Variants in FGF17 observed in about 807,000 individuals in gnomAD.
The protein encoded by FGF17 is fibroblast growth factor 17.
A neutral mutation model predicts 23.5 loss-of-function variants in FGF17; 5 were observed. The ratio of observed to expected loss-of-function variants is 0.21; its 90% CI spans 0.11 to 0.45. The LOEUF is 0.45. Among genes scored for constraint, FGF17 ranks in the 20% least tolerant of loss-of-function variants. The pLI is 0.99. For synonymous variants in FGF17, 136 were observed against 123.0 expected (o/e 1.11, Z -0.70); for missense variants, 221 against 306.9 (o/e 0.72, Z 2.09).
intron 4 of FGF17, among the ~76,000 whole-genome samples, chr8:22,047,652 A>G (rs1338636860): frequency 1.3e-5 from 2 of 152,216 alleles, no homozygotes; most frequent in African/African-American, 2.4e-5. Context: ...TTCAGTGCTA[A>G]GGGCCCGTGC....
At position 22,046,753 on chromosome 8, in the gene FGF17, C is replaced by A. The variant is rs552040652; in HGVS notation, c.357+120C>A. 16 of 697,420 alleles carry A rather than the reference C, an allele frequency of 2.3e-5. No individual in the cohort carries two copies. In the South Asian group the frequency reaches 2.5e-4, roughly 11 times the overall value. 43.2% of individuals were successfully genotyped at this position (697,420 alleles called of 1,614,324 possible). A position where few individuals can be genotyped will look rare whatever the true frequency, so the allele number is the denominator to read the frequency against. ...ACCCTCCTGTGTAAAGACTTCCCAT[C>A]CTACTCTCAGCCCACCCACTGGGCC... On this transcript the variant is annotated intron_variant, in intron 4 of 4. Coordinates refer to ENST00000359441, the MANE Select transcript of FGF17 (RefSeq NM_003867.4).
At chr8:22,044,129 G>C (rs1289644238) in intron 2 of FGF17, among the ~76,000 whole-genome samples, 1 of 152,030 alleles carries the variant, frequency 6.6e-6, no homozygotes, top group Non-Finnish European at 1.5e-5. Flanking sequence ...GGCTGGGAGG[G>C]GGCTGGGGGT....
At chr8:22,041,592 C>T (rs889864501), upstream of FGF17, among the ~76,000 whole-genome samples, 7 of 152,160 alleles carry the variant, frequency 4.6e-5, no homozygotes, top group East Asian at 1.9e-4. Context: ...CTCTGTTCAC[C>T]GGTCTCCAGG....
At chr8:22,040,633 A>G (rs1429544205), upstream of FGF17, among the ~76,000 whole-genome samples, 1 of 152,226 alleles carries the variant, frequency 6.6e-6, no homozygotes, top group Non-Finnish European at 1.5e-5. Context: ...CCCTGTCCCC[A>G]TGGATAGAAA....
intron 2 of FGF17, chr8:22,044,821 T>G (rs1800827893): frequency 1.0e-6 from 1 of 985,418 alleles, no homozygotes. Context: ...TCACTCCCCC[T>G]GCCTCAAAGG....
At chr8:22,045,373 G>C in intron 2 of FGF17, 1 of 988,132 alleles carries the variant, frequency 1.0e-6, no homozygotes, top group Non-Finnish European at 1.2e-6. Flanking sequence ...CCGCTAAGGA[G>C]GCACCTTGCC....
In FGF17 at chr8:22,048,143, A is replaced by G. The variant is rs778947819; in HGVS notation, c.545A>G (p.Gln182Arg). The change falls in exon 5 of 5, where the codon CAG (glutamine) becomes CGG (arginine). Residue 182 changes from glutamine to arginine, a missense_variant. Transcript: ENST00000359441. This position sits in a 1 kb window ranked among gnomAD's most constrained non-coding sequence, Gnocchi z 6.9. ...TTCATCAAGCGCCTCTACCAAGGCC[A>G]GCTGCCCTTCCCCAACCACGCCGAG... ...AHFIKRLYQG[Q>R]LPFPNHAEKQ... 1 of 1,613,414 alleles carries G rather than the reference A, an allele frequency of 6.2e-7. No homozygotes were observed. The highest frequency in any genetic ancestry group is 8.5e-7 in the Non-Finnish European group (1 of 1,179,844).
At position 22,048,267 on chromosome 8, in the gene FGF17, A is replaced by G. The variant is rs1421552286; in HGVS notation, c.*18A>G. The G allele has an allele frequency of 6.4e-7, 1 of 1,571,944 alleles. No homozygotes were observed. The highest frequency in any genetic ancestry group is 8.6e-7 in the Non-Finnish European group (1 of 1,156,322). On this transcript the variant is annotated 3_prime_UTR_variant, in exon 5 of 5. Transcript: ENST00000359441. This position sits in a 1 kb window ranked among gnomAD's most constrained non-coding sequence, Gnocchi z 6.9. ...TCACGTAGTCTGGGAGGCAGGGGGC[A>G]GCAGCCCCTGGGCCGCCTCCCCACC...
At chr8:22,046,498 G>A (rs368916503) in intron 3 of FGF17, 29 bp from the exon 4 acceptor site, 121 of 1,576,780 alleles carry the variant, frequency 7.7e-5, no homozygotes, top group African/African-American at 7.3e-4. Flanking sequence ...CCCGATGGAC[G>A]GAGGTCTTTC....
At chr8:22,045,879 G>T in intron 2 of FGF17, 1 of 1,426,188 alleles carries the variant, frequency 7.0e-7, no homozygotes, top group Non-Finnish European at 9.2e-7. Flanking sequence ...CTGTCAATAA[G>T]TGTCCCCCAG....
At chr8:22,045,300 C>T (rs1238499303) in intron 2 of FGF17, 2 of 986,038 alleles carry the variant, frequency 2.0e-6, no homozygotes, top group African/African-American at 3.5e-5. Flanking sequence ...AGCTGCCTGC[C>T]AGGGGCAGCC....
In FGF17 at chr8:22,043,145, G is replaced by A. The variant is rs1800770622; in HGVS notation, c.36G>A (p.Leu12=). The A allele has an allele frequency of 2.5e-6, 4 of 1,613,884 alleles. No homozygotes were observed. The highest frequency in any genetic ancestry group is 3.4e-6 in the Non-Finnish European group (4 of 1,180,010). ...GAARLLPNLT[L]CLQLLILCCQ... is the part of the protein sequence containing the mutation. ...GGGCTTACCTCCTCTCCCCACACAG[G>A]TGCTTACAGCTGCTGATTCTCTGCT... The change falls in exon 2 of 5, where the codon CTG becomes CTA. Residue 12 remains leucine, a splice_region_variant and synonymous_variant. Coordinates refer to ENST00000359441, the MANE Select transcript of FGF17 (RefSeq NM_003867.4).
In FGF17 at chr8:22,043,006, C is replaced by T. The variant is rs376613610; in HGVS notation, c.35+43C>T. The stretch of plus-strand genomic sequence containing the variant: ...CCCACTGGAGTTTCGTTGCCATTTC[C>T]AGCCTCAGGGCAGCCCTCCTCTTCC... On this transcript the variant is annotated intron_variant, in intron 1 of 4. Transcript: ENST00000359441. 108 of 1,609,164 alleles carry T rather than the reference C, an allele frequency of 6.7e-5. 2 individuals are homozygous for T. The African/African-American group carries it at 1.1e-3, about 17-fold the overall frequency.
At chr8:22,046,314 G>A (rs2957330) in intron 3 of FGF17, 23 bp downstream of exon 3, 1 of 1,607,388 alleles carries the variant, frequency 6.2e-7, no homozygotes, top group Middle Eastern at 1.7e-4. Context: ...CCTCCCCCCA[G>A]GGCACCCACA....
chr8:22,040,082 C>T (rs900189787), upstream of FGF17, among the ~76,000 whole-genome samples: 23 of 152,100 alleles, frequency 1.5e-4, no homozygotes, highest in African/African-American at 5.6e-4. Flanking sequence ...TCTTCCCTCC[C>T]CCTTTCCCCG....
At chr8:22,047,076 G>A (rs1585539362) in intron 4 of FGF17, among the ~76,000 whole-genome samples, 1 of 151,530 alleles carries the variant, frequency 6.6e-6, no homozygotes, top group South Asian at 2.1e-4. Flanking sequence ...CGTGAGCCAC[G>A]GAGCCCGGCC....
chr8:22,043,101 G>C (rs1401610008), intron 1 of FGF17, 44 bp from the exon 2 acceptor site: 1 of 1,610,106 alleles, frequency 6.2e-7, no homozygotes, highest in Non-Finnish European at 8.5e-7. Flanking sequence ...CCCTAGGCTT[G>C]CAGCTGGCAC....
chr8:22,043,424 C>T (rs1370504154), intron 2 of FGF17, among the ~76,000 whole-genome samples: 2 of 152,210 alleles, frequency 1.3e-5, no homozygotes, highest in African/African-American at 4.8e-5. Context: ...GTCTCTGCTC[C>T]TCTTCCTCCC....
rs1016623494 is a variant in FGF17 at position 22,046,519 on chromosome 8, C to A, written c.251-8C>A. The A allele has an allele frequency of 2.5e-6, 4 of 1,608,884 alleles. No homozygotes were observed. The highest frequency in any genetic ancestry group is 3.4e-6 in the Non-Finnish European group (4 of 1,176,460). ...GGACGGAGGTCTTTCTCCCCTCCCCCACCACAGCCAAGCTCATAGTGGAGA... is the reference window on the plus strand; with the variant it reads ...GGACGGAGGTCTTTCTCCCCTCCCCAACCACAGCCAAGCTCATAGTGGAGA... On this transcript the variant is annotated splice_region_variant and splice_polypyrimidine_tract_variant and intron_variant, in intron 3 of 4. Coordinates refer to ENST00000359441, the MANE Select transcript of FGF17 (RefSeq NM_003867.4).
Sources: allele counts gnomAD v4.1 joint callset (sites outside exome capture counted in the v4.1 genomes callset), GRCh38; gene constraint gnomAD v4.1.1; non-coding constraint Gnocchi (gnomAD v3.1); transcripts MANE v1.5; gene names NCBI Gene and HGNC (gene_info 2026-07-23, HGNC 2026-07-21).